Variants in DSCC1 observed in about 807,000 individuals in gnomAD.
DSCC1 encodes the protein sister chromatid cohesion protein DCC1.
A neutral mutation model predicts 48.2 loss-of-function variants in DSCC1; 32 were observed. The ratio of observed to expected loss-of-function variants is 0.66; its 90% CI spans 0.50 to 0.89. The LOEUF (loss-of-function observed/expected upper bound fraction) is 0.89, where lower values mean the gene tolerates loss of function less well. Among genes scored for constraint, DSCC1 ranks in the 40% least tolerant of loss-of-function variants. The pLI is 0.00. For synonymous variants in DSCC1, 150 were observed against 171.5 expected (o/e 0.87, Z 0.98); for missense variants, 421 against 471.7 (o/e 0.89, Z 1.00).
At chr8:119,835,090 CT>C (rs1826659625) in intron 8 of DSCC1, 89 bp from the exon 9 acceptor site, 19 of 840,724 alleles carry the variant, frequency 2.3e-5, no homozygotes, top group Non-Finnish European at 3.5e-5. Flanking sequence ...CTCTCTCCCC[CT>C]GAATCTGTCT....
Position 119,841,935 on chromosome 8 carries a change from A to G in DSCC1, c.783T>C (p.Phe261=). The change falls in exon 7 of 9, where the codon TTT becomes TTC. Residue 261 remains phenylalanine, a synonymous_variant. Coordinates refer to ENST00000313655, the MANE Select transcript of DSCC1 (RefSeq NM_024094.3). ...TACATATTTTATCAGCATCCAACTC[A>G]AAATAAACTTCGCCTAAGGAAAAGT... ...KKYVDEGEVY[F]ELDADKICRA... 1.2e-6 allele frequency: 2 copies of G among 1,613,708 alleles called. No individual in the cohort carries two copies. The highest frequency in any genetic ancestry group is 1.7e-6 in the Non-Finnish European group (2 of 1,179,716).
rs528932696 is a variant in DSCC1 at position 119,842,231 on chromosome 8, G to A, written c.770-283C>T. 5.3e-5 allele frequency among the ~76,000 whole-genome samples: 8 copies of A among 152,026 alleles called. No individual in the cohort carries two copies. In the East Asian group the frequency reaches 7.8e-4, roughly 15 times the overall value. On this transcript the variant is annotated intron_variant, in intron 6 of 8. Transcript: ENST00000313655. ...TGGGATTACAGGTGTGTGCCATCAC[G>A]CCTGGCTAATTTTTTTATTTTTAGT...
At chr8:119,847,938 T>C (rs551714750) in intron 3 of DSCC1, among the ~76,000 whole-genome samples, 17 of 152,138 alleles carry the variant, frequency 1.1e-4, no homozygotes, top group Non-Finnish European at 2.4e-4. Flanking sequence ...GTGCTTGGAT[T>C]ACAGGCGTGA....
chr8:119,841,733 T>A, intron 7 of DSCC1, 61 bp downstream of exon 7: 2 of 1,568,370 alleles, frequency 1.3e-6, no homozygotes, highest in South Asian at 1.2e-5. Flanking sequence ...CCAACTCAAG[T>A]ATCATTCACC....
intron 2 of DSCC1, among the ~76,000 whole-genome samples, chr8:119,851,135 A>G (rs6989323): frequency 0.046 from 7,006 of 152,320 alleles, 266 homozygotes; most frequent in South Asian, 0.13. Flanking sequence ...CCTTGCCTGC[A>G]CTTACAGGAC....
intron 4 of DSCC1, among the ~76,000 whole-genome samples, chr8:119,846,674 T>G (rs1360104202): frequency 1.0e-4 from 7 of 68,268 alleles, no homozygotes; most frequent in Non-Finnish European, 2.7e-5. Flanking sequence ...CTCTCGTACC[T>G]CAGCCTCCCT....
intron 3 of DSCC1, among the ~76,000 whole-genome samples, chr8:119,849,884 T>A (rs1826919541): frequency 6.6e-6 from 1 of 152,200 alleles, no homozygotes; most frequent in South Asian, 2.1e-4. Context: ...AAATTAAAAA[T>A]TTTAAAACTG....
intron 3 of DSCC1, among the ~76,000 whole-genome samples, chr8:119,847,731 T>A (rs2131305457): frequency 6.6e-6 from 1 of 151,518 alleles, no homozygotes; most frequent in Non-Finnish European, 1.5e-5. Flanking sequence ...AATGGTGCGA[T>A]CTTGGCTCAC....
At chr8:119,844,479 T>G (rs1042147151) in intron 4 of DSCC1, among the ~76,000 whole-genome samples, 7 of 151,844 alleles carry the variant, frequency 4.6e-5, no homozygotes, top group African/African-American at 1.5e-4. Flanking sequence ...AAACAGTGCT[T>G]CTTTTTAAGC....
chr8:119,850,369 AAAT>A lies in DSCC1; in HGVS notation c.486+10_486+12del, dbSNP rs768862878. ...TGTTAAATTCCAAATAAAAAAGTGA[AAAT>A]AAGTCTTACTTTTGAGCTATTTGAA... On this transcript the variant is annotated intron_variant, in intron 3 of 8. Coordinates refer to ENST00000313655, the MANE Select transcript of DSCC1 (RefSeq NM_024094.3). The A allele has an allele frequency of 2.0e-4, 312 of 1,551,424 alleles. No individual in the cohort carries two copies. The highest frequency in any genetic ancestry group is 2.7e-4 in the Non-Finnish European group (308 of 1,158,476).
In DSCC1 at chr8:119,855,803, C is replaced by T; in HGVS notation, c.-8G>A. 6.6e-7 allele frequency: 1 copy of T among 1,514,198 alleles called. No individual in the cohort carries two copies. Among genetic ancestry groups the T allele is most frequent in the Middle Eastern group, 2.0e-4 (1 of 4,960 alleles). The allele number at this position is 1,514,198 out of a possible 1,614,324, so 93.8% of individuals were successfully genotyped here. Reference sequence around the variant, plus strand: ...GTCGCGGGTCCTCTTCATCGCAGCGCCGGGTCTAGGAGTCCCGCCGCGCCC... The same window carrying T: ...GTCGCGGGTCCTCTTCATCGCAGCGTCGGGTCTAGGAGTCCCGCCGCGCCC... On this transcript the variant is annotated 5_prime_UTR_variant, in exon 1 of 9. Coordinates refer to ENST00000313655, the MANE Select transcript of DSCC1 (RefSeq NM_024094.3).
At position 119,842,760 on chromosome 8, in the gene DSCC1, A is replaced by G. The variant is rs1216093618; in HGVS notation, c.769+16T>C. ...TAACATATAAGAGTTAAATGAGAAT[A>G]CTTTCCAAATCTTACCTTCATCTAC... On this transcript the variant is annotated intron_variant, in intron 6 of 8. Coordinates refer to ENST00000313655, the MANE Select transcript of DSCC1 (RefSeq NM_024094.3). The G allele has an allele frequency of 6.2e-7, 1 of 1,601,320 alleles. No homozygotes were observed. Among genetic ancestry groups the G allele is most frequent in the East Asian group, 2.2e-5 (1 of 44,688 alleles).
chr8:119,839,277 G>A (rs1451454846), intron 7 of DSCC1: 2 of 152,142 alleles, frequency 1.3e-5, no homozygotes, highest in Non-Finnish European at 2.9e-5. Context: ...TGTCTCTCTT[G>A]AGTCCCAGAC....
In DSCC1 at chr8:119,855,763, C is replaced by A; in HGVS notation, c.33G>T (p.Thr11=). MKRTRDEVDA[T]LQIAKLNAAE... ...CCGCATTCAGCTTGGCGATCTGCAG[C>A]GTCGCATCCACCTCGTCGCGGGTCC... The change falls in exon 1 of 9, where the codon ACG becomes ACT. Residue 11 remains threonine (T), a synonymous_variant. Transcript: ENST00000313655. 6.4e-7 allele frequency: 1 copy of A among 1,564,962 alleles called. No individual in the cohort carries two copies. The highest frequency in any genetic ancestry group is 8.7e-7 in the Non-Finnish European group (1 of 1,155,560).
rs1391930899 is a variant in DSCC1 at position 119,855,893 on chromosome 8, G to A, written c.-98C>T. ...AGCAGCCGGAAGGTAGGAAACCTGA[G>A]CGTTTGAAAGCGCGCCAAGGCGGCC... On this transcript the variant is annotated 5_prime_UTR_variant, in exon 1 of 9. Transcript: ENST00000313655. The A allele has an allele frequency of 4.5e-6, 6 of 1,333,776 alleles. No homozygotes were observed. The African/African-American group carries it at 5.0e-5, about 11-fold the overall frequency. The allele number at this position is 1,333,776 out of a possible 1,614,324, so 82.6% of individuals were successfully genotyped here.
In DSCC1 at chr8:119,855,597, G is replaced by A. The variant is rs1239209747; in HGVS notation, c.182+17C>T. On this transcript the variant is annotated intron_variant, in intron 1 of 8. Transcript: ENST00000313655. ...TGGCCGGCCAGAGGCTGGGGGCGCCGCGTGACCAGGGCTCACCTGTGTCCA... is the reference window on the plus strand; with the variant it reads ...TGGCCGGCCAGAGGCTGGGGGCGCCACGTGACCAGGGCTCACCTGTGTCCA... 4.6e-6 allele frequency: 7 copies of A among 1,531,900 alleles called. No homozygotes were observed. Among genetic ancestry groups the A allele is most frequent in the Non-Finnish European group, 6.1e-6 (7 of 1,141,468 alleles). 94.9% of individuals were successfully genotyped at this position (1,531,900 alleles called of 1,614,324 possible). A position where few individuals can be genotyped will look rare whatever the true frequency, so the allele number is the denominator to read the frequency against.
intron 4 of DSCC1, among the ~76,000 whole-genome samples, chr8:119,846,177 G>A (rs11785572): frequency 0.27 from 39,166 of 146,338 alleles, 5,832 homozygotes; most frequent in Middle Eastern, 0.41. Context: ...GCAGTGACGC[G>A]ATCTCCGCTC....
Position 119,850,437 on chromosome 8 carries a change from T to C in DSCC1, c.431A>G (p.Glu144Gly), listed in dbSNP as rs775162172. 6 of 1,602,584 alleles carry C rather than the reference T, an allele frequency of 3.7e-6. No homozygotes were observed. The highest frequency in any genetic ancestry group is 4.3e-6 in the Non-Finnish European group (5 of 1,176,454). The change falls in exon 3 of 9, where the codon GAA (glutamate) becomes GGA (glycine). Residue 144 changes from glutamate (E) to glycine (G), a missense_variant. By Grantham distance (98) the Glu-to-Gly change is moderately conservative. Transcript: ENST00000313655. Reference protein sequence around the residue: ...KLKKLKKLLMENPYEGPDSQK... With the variant: ...KLKKLKKLLMGNPYEGPDSQK... ...ACTGTCAGGTCCTTCATATGGATTT[T>C]CCATCAAAAGTTTCTTTAGCTTCTT...
chr8:119,847,135 T>A, intron 3 of DSCC1, 55 bp from the exon 4 acceptor site: 10 of 1,473,376 alleles, frequency 6.8e-6, no homozygotes, highest in Non-Finnish European at 8.4e-6. Context: ...GTTTTTAGAT[T>A]TCTTGCTGAA....
Sources: allele counts gnomAD v4.1 joint callset (sites outside exome capture counted in the v4.1 genomes callset), GRCh38; gene constraint gnomAD v4.1.1; transcripts MANE v1.5; gene names NCBI Gene and HGNC (gene_info 2026-07-23, HGNC 2026-07-21).